SPG11: variants seen among roughly 807,000 people sequenced by gnomAD.
SPG11 encodes SPG11 vesicle trafficking associated, spatacsin.
A neutral mutation model predicts 274.0 loss-of-function variants in SPG11; 222 were observed. The ratio of observed to expected loss-of-function variants is 0.81; its 90% CI spans 0.73 to 0.91. SPG11 has a LOEUF of 0.91. Ranked by LOEUF, SPG11 falls within the 40% of genes least tolerant of loss-of-function variation. The probability of loss-of-function intolerance (pLI) is 0.00; values close to 1 mark genes in which losing one functional copy is unlikely to be tolerated. For synonymous variants in SPG11, 1,144 were observed against 1,039.7 expected, an observed-to-expected ratio of 1.10 and a Z score of -1.93; for missense variants, 3,114 against 2,872.7, an observed-to-expected ratio of 1.08 and a Z score of -1.92.
At position 44,651,960 on chromosome 15, in the gene SPG11, A is replaced by G. The variant is rs1356624063; in HGVS notation, c.1008-21T>C. On this transcript the variant is annotated intron_variant, in intron 5 of 39. Transcript: ENST00000261866. The stretch of plus-strand genomic sequence containing the variant: ...AAGACCTGGAAACAAGGTAAAATAT[A>G]ACTTAACACCTGTCACAGTAAAAGG... 5 of 1,603,978 alleles carry G rather than the reference A, an allele frequency of 3.1e-6. No homozygotes were observed. The African/African-American group carries it at 6.7e-5, about 22-fold the overall frequency.
rs563808641 is a variant in SPG11 at position 44,634,869 on chromosome 15, C to T, written c.1603-1232G>A. Among the ~76,000 whole-genome samples, 18 of 152,206 alleles carry T rather than the reference C, an allele frequency of 1.2e-4. No individual in the cohort carries two copies. The South Asian group carries it at 1.5e-3, about 12-fold the overall frequency. Reference sequence around the variant, plus strand: ...TGCTGGAATTACAGGCATGAGCCATCGCACCTGGCTGCATTCTATATTTTT... The same window carrying T: ...TGCTGGAATTACAGGCATGAGCCATTGCACCTGGCTGCATTCTATATTTTT... On this transcript the variant is annotated intron_variant, in intron 7 of 39. Coordinates refer to ENST00000261866, the MANE Select transcript of SPG11 (RefSeq NM_025137.4).
Position 44,663,583 on chromosome 15 carries a change from A to G in SPG11, c.65T>C (p.Met22Thr), listed in dbSNP as rs779434840. The G allele has an allele frequency of 1.9e-6, 3 of 1,596,938 alleles. No homozygotes were observed. The highest frequency in any genetic ancestry group is 1.1e-5 in the South Asian group (1 of 89,392). The part of the protein sequence containing the change: ...SAGGSWGTAA[M>T]GRVLPMLLVP... ...CAACAGCATCGGTAGAACCCGCCCCATGGCCGCGGTGCCCCAGCTACCGCC... is the reference window on the plus strand; with the variant it reads ...CAACAGCATCGGTAGAACCCGCCCCGTGGCCGCGGTGCCCCAGCTACCGCC... Residue 22 changes from methionine (M) to threonine (T), a missense_variant, in exon 1 of 40, where the codon ATG (methionine) becomes ACG (threonine). Transcript: ENST00000261866.
rs1171155661 is a variant in SPG11 at position 44,563,294 on chromosome 15, G to C, written c.7159C>G (p.Gln2387Glu). Reference sequence around the variant, plus strand: ...ATGACCATGTCAGTAGGCTGATGTTGTTTATATCTAGATAAAGAAACATAA... The same window carrying C: ...ATGACCATGTCAGTAGGCTGATGTTCTTTATATCTAGATAAAGAAACATAA... ...IFEEISKKYK[Q>E]HQPTDMVMEN... The change falls in exon 40 of 40, where the codon CAA (glutamine) becomes GAA (glutamate). Residue 2387 changes from glutamine (Q) to glutamate (E), a missense_variant. Coordinates refer to ENST00000261866, the MANE Select transcript of SPG11 (RefSeq NM_025137.4). 3 of 1,612,218 alleles carry C rather than the reference G, an allele frequency of 1.9e-6. No homozygotes were observed. The highest frequency in any genetic ancestry group is 2.5e-6 in the Non-Finnish European group (3 of 1,178,636).
intron 3 of SPG11, 83 bp from the exon 4 acceptor site, chr15:44,657,379 C>CT (rs1177153777): frequency 4.8e-6 from 6 of 1,259,714 alleles, no homozygotes; most frequent in Non-Finnish European, 6.8e-6. Flanking sequence ...GAGCTATAGA[C>CT]TTTATCACTC....
intron 31 of SPG11, among the ~76,000 whole-genome samples, chr15:44,574,129 G>A (rs949992199): frequency 1.3e-5 from 2 of 152,244 alleles, no homozygotes; most frequent in East Asian, 3.9e-4. Context: ...TCAGCCTCTC[G>A]AGCAGCTGGG....
rs964599919 is a variant in SPG11, at chr15:44,613,591, T to C, written c.3039-55A>G. Reference sequence around the variant, plus strand: ...TGATTAACATACAGGATAAGACAATTACAACCATTTTGCTCAGGCGATGAT... The same window carrying C: ...TGATTAACATACAGGATAAGACAATCACAACCATTTTGCTCAGGCGATGAT... On this transcript the variant is annotated intron_variant, in intron 16 of 39. Transcript: ENST00000261866. 4.2e-6 allele frequency: 5 copies of C among 1,180,226 alleles called. No homozygotes were observed. In the East Asian group the frequency reaches 9.5e-5, roughly 22 times the overall value. 73.1% of individuals were successfully genotyped at this position (1,180,226 alleles called of 1,614,324 possible).
intron 6 of SPG11, among the ~76,000 whole-genome samples, chr15:44,651,241 AAATAAT>A (rs758126199): frequency 5.3e-5 from 8 of 152,144 alleles, no homozygotes; most frequent in Non-Finnish European, 7.3e-5. Flanking sequence ...TTTGGGTTAA[AAATAAT>A]AATAATAATA....
intron 30 of SPG11, among the ~76,000 whole-genome samples, chr15:44,583,021 T>A (rs551270981): frequency 6.6e-6 from 1 of 152,076 alleles, no homozygotes; most frequent in South Asian, 2.1e-4. Flanking sequence ...GCCTAGTCAG[T>A]GCAATAAAGC....
intron 28 of SPG11, among the ~76,000 whole-genome samples, chr15:44,587,074 T>C (rs1174566183): frequency 6.6e-6 from 1 of 152,236 alleles, no homozygotes; most frequent in Non-Finnish European, 1.5e-5. Flanking sequence ...GGCTCACGCC[T>C]ATATTCCCAG....
At chr15:44,616,895 G>T (rs1595885376) in intron 15 of SPG11, among the ~76,000 whole-genome samples, 1 of 152,088 alleles carries the variant, frequency 6.6e-6, no homozygotes, top group East Asian at 1.9e-4. Flanking sequence ...CTAAATTTCG[G>T]GTAAAATAAA....
At chr15:44,636,950 A>AAC (rs1567180579) in intron 7 of SPG11, among the ~76,000 whole-genome samples, 30 of 126,724 alleles carry the variant, frequency 2.4e-4, no homozygotes, top group African/African-American at 9.9e-4. Context: ...AAAAAAAAAA[A>AAC]AAAAAAACAA....
rs1409589943 is a variant in SPG11 at position 44,652,357 on chromosome 15, C to T, written c.870-91G>A. 7 of 1,371,366 alleles carry T rather than the reference C, an allele frequency of 5.1e-6. No individual in the cohort carries two copies. In the Admixed American group the frequency reaches 1.3e-4, roughly 25 times the overall value. 84.9% of individuals were successfully genotyped at this position (1,371,366 alleles called of 1,614,324 possible). A position where few individuals can be genotyped will look rare whatever the true frequency, so the allele number is the denominator to read the frequency against. ...TGCTCCTGTTAAAAATAAGAGATTACAGAGAAGGAATAGTACAACAAATTC... is the reference window on the plus strand; with the variant it reads ...TGCTCCTGTTAAAAATAAGAGATTATAGAGAAGGAATAGTACAACAAATTC... On this transcript the variant is annotated intron_variant, in intron 4 of 39. Coordinates refer to ENST00000261866, the MANE Select transcript of SPG11 (RefSeq NM_025137.4).
At chr15:44,601,034 C>T (rs574441211) in intron 20 of SPG11, among the ~76,000 whole-genome samples, 1 of 152,212 alleles carries the variant, frequency 6.6e-6, no homozygotes, top group Admixed American at 6.5e-5. Context: ...TGCCTGTAAT[C>T]CCAGCTACTT....
chr15:44,660,555 G>C lies in SPG11; in HGVS notation c.319C>G (p.Leu107Val), dbSNP rs769897105. The C allele has an allele frequency of 1.9e-6, 3 of 1,614,124 alleles. No homozygotes were observed. The highest frequency in any genetic ancestry group is 2.5e-6 in the Non-Finnish European group (3 of 1,180,024). Reference protein sequence around the residue: ...TPTEKPKLLALGENYELLIYE... With the variant: ...TPTEKPKLLAVGENYELLIYE... ...ATAAGCAGTTCATAATTTTCACCAA[G>C]AGCGAGCAGTTTGGGCTTTTCAGTT... The change falls in exon 2 of 40, where the codon CTT becomes GTT. Residue 107 changes from leucine to valine, a missense_variant. By Grantham distance (32) the Leu-to-Val change is conservative (BLOSUM62 1). Transcript: ENST00000261866.
At chr15:44,657,472 C>G (rs536114511) in intron 3 of SPG11, among the ~76,000 whole-genome samples, 176 bp from the exon 4 acceptor site, 1 of 152,228 alleles carries the variant, frequency 6.6e-6, no homozygotes, top group South Asian at 2.1e-4. Flanking sequence ...AAGTTGATGC[C>G]ACAATAAAGA....
At chr15:44,578,384 G>C (rs1024934805) in intron 30 of SPG11, among the ~76,000 whole-genome samples, 2 of 152,004 alleles carry the variant, frequency 1.3e-5, no homozygotes, top group African/African-American at 2.4e-5. Flanking sequence ...GGGCGGAGTA[G>C]ACCCCTGTTG....
At chr15:44,616,624 A>G (rs545751451) in intron 15 of SPG11, among the ~76,000 whole-genome samples, 1 of 152,192 alleles carries the variant, frequency 6.6e-6, no homozygotes, top group African/African-American at 2.4e-5. Flanking sequence ...TATTTCTTCT[A>G]CCCAACATTG....
At chr15:44,604,073 G>A in intron 20 of SPG11, 1 of 398,744 alleles carries the variant, frequency 2.5e-6, no homozygotes. Context: ...CTGTGATCTG[G>A]TTCCAGAAAC....
At chr15:44,567,247 A>C (rs887811420) in intron 36 of SPG11, 177 bp downstream of exon 36, 1 of 585,612 alleles carries the variant, frequency 1.7e-6, no homozygotes, top group Non-Finnish European at 2.9e-6. Flanking sequence ...GCTACTTGGG[A>C]GGCTGAGGCG....
Sources: gnomAD v4.1 joint callset for allele counts (sites outside exome capture counted in the v4.1 genomes callset) on GRCh38, gnomAD v4.1.1 for gene constraint, MANE v1.5 for transcripts, NCBI Gene and HGNC (gene_info 2026-07-23, HGNC 2026-07-21) for gene names.